The following FIP1L1 variants were observed in gnomAD, a reference collection of about 807,000 sequenced individuals.
FIP1L1 encodes factor interacting with PAPOLA and CPSF1, also known as pre-mRNA 3'-end-processing factor FIP1.
A neutral mutation model predicts 84.6 loss-of-function variants in FIP1L1; 21 were observed. That is an observed-to-expected ratio of 0.25 (90% CI 0.18 to 0.36). FIP1L1 has a LOEUF of 0.36. Among genes scored for constraint, FIP1L1 ranks in the 10% least tolerant of loss-of-function variants. The pLI, the probability that FIP1L1 is intolerant of heterozygous loss-of-function variation, is 1.00. For synonymous variants in FIP1L1, 263 were observed against 242.3 expected, an observed-to-expected ratio of 1.09 and a Z score of -0.80; for missense variants, 526 against 751.1, an observed-to-expected ratio of 0.70 and a Z score of 3.50.
intron 15 of FIP1L1, among the ~76,000 whole-genome samples, chr4:53,445,611 C>A (rs1270896079): frequency 1.3e-5 from 2 of 152,164 alleles, no homozygotes; most frequent in Admixed American, 6.5e-5. Context: ...TCATGAGCAA[C>A]CAGTTGTGGA....
chr4:53,390,442 T>C, intron 6 of FIP1L1, 79 bp from the exon 7 acceptor site: 3 of 819,738 alleles, frequency 3.7e-6, no homozygotes, highest in Non-Finnish European at 6.1e-6. Context: ...TAAAAAGGTG[T>C]TTATATTTTC....
At chr4:53,430,858 A>G (rs1469978009) in intron 13 of FIP1L1, among the ~76,000 whole-genome samples, 1 of 152,154 alleles carries the variant, frequency 6.6e-6, no homozygotes, top group Non-Finnish European at 1.5e-5. Context: ...TCAACATTTA[A>G]TGAGTGCAGA....
chr4:53,388,177 T>C (rs1302433069), intron 5 of FIP1L1, among the ~76,000 whole-genome samples: 1 of 152,166 alleles, frequency 6.6e-6, no homozygotes, highest in Admixed American at 6.5e-5. Context: ...GTCTTAAATG[T>C]AGTACATCAG....
chr4:53,383,271 A>G (rs527419922), intron 4 of FIP1L1, among the ~76,000 whole-genome samples: 2 of 152,284 alleles, frequency 1.3e-5, no homozygotes, highest in African/African-American at 4.8e-5. Context: ...TTCTTTATTC[A>G]TAGTCTTATC....
At chr4:53,395,745 C>CGTGT (rs1281774600) in intron 9 of FIP1L1, among the ~76,000 whole-genome samples, 1 of 151,234 alleles carries the variant, frequency 6.6e-6, no homozygotes, top group Admixed American at 6.6e-5. Flanking sequence ...TGTGTGTGTG[C>CGTGT]GTGTGTGTGT....
intron 9 of FIP1L1, among the ~76,000 whole-genome samples, chr4:53,395,086 T>C (rs1420841912): frequency 6.6e-6 from 1 of 152,232 alleles, no homozygotes; most frequent in African/African-American, 2.4e-5. Flanking sequence ...TAATGTCTTA[T>C]GGTCATTTCT....
intron 10 of FIP1L1, among the ~76,000 whole-genome samples, chr4:53,412,321 A>G (rs1443331916): frequency 6.6e-6 from 1 of 152,130 alleles, no homozygotes; most frequent in Non-Finnish European, 1.5e-5. Flanking sequence ...CTAATAGTGA[A>G]TCAGTACTTT....
At chr4:53,413,049 A>G (rs1210855006) in intron 10 of FIP1L1, among the ~76,000 whole-genome samples, 2 of 152,140 alleles carry the variant, frequency 1.3e-5, no homozygotes, top group Admixed American at 1.3e-4. Flanking sequence ...ATTTGTATAC[A>G]TGGTGTTTAA....
intron 15 of FIP1L1, among the ~76,000 whole-genome samples, chr4:53,448,153 C>G (rs1774995679): frequency 6.6e-6 from 1 of 152,042 alleles, no homozygotes; most frequent in Non-Finnish European, 1.5e-5. Flanking sequence ...TTTTGCTCTT[C>G]ACATTTAAGT....
intron 5 of FIP1L1, among the ~76,000 whole-genome samples, chr4:53,384,259 A>C (rs1000652899): frequency 6.6e-6 from 1 of 152,012 alleles, no homozygotes; most frequent in East Asian, 1.9e-4. Context: ...AAATACAATA[A>C]TTAGCCAGGC....
chr4:53,410,250 T>A (rs1756481783), intron 10 of FIP1L1, among the ~76,000 whole-genome samples: 3 of 152,172 alleles, frequency 2.0e-5, no homozygotes, highest in African/African-American at 7.2e-5. Flanking sequence ...TGATTTTCGG[T>A]CAGCTTATGA....
chr4:53,418,178 AC>A (rs1181534280), intron 11 of FIP1L1, among the ~76,000 whole-genome samples: 2 of 151,860 alleles, frequency 1.3e-5, no homozygotes, highest in African/African-American at 4.8e-5. Context: ...GGCCCCAGCT[AC>A]CTGGGAGGCT....
intron 9 of FIP1L1, among the ~76,000 whole-genome samples, chr4:53,397,243 T>C (rs1255870665): frequency 6.6e-6 from 1 of 152,220 alleles, no homozygotes; most frequent in Non-Finnish European, 1.5e-5. Flanking sequence ...GTATGGGAAC[T>C]TATAAGCAAT....
In FIP1L1 at chr4:53,460,180, T is replaced by TTGA. The variant is rs1721615874; in HGVS notation, c.*734_*736dup. 2 of 197,430 alleles carry TTGA rather than the reference T, an allele frequency of 1.0e-5. No homozygotes were observed. Among genetic ancestry groups the TTGA allele is most frequent in the East Asian group, 7.9e-5 (1 of 12,660 alleles). The allele number at this position is 197,430 out of a possible 1,614,324, so 12.2% of individuals were successfully genotyped here. A position where few individuals can be genotyped will look rare whatever the true frequency, so the allele number is the denominator to read the frequency against. On this transcript the variant is annotated 3_prime_UTR_variant, in exon 18 of 18. Coordinates refer to ENST00000337488, the MANE Select transcript of FIP1L1 (RefSeq NM_030917.4). ...CCAGGGTCAAGCTGGTTTGGCCTTCTTGATGCATTTTCCAAGGCCCACTGG... is the reference window on the plus strand; with the variant it reads ...CCAGGGTCAAGCTGGTTTGGCCTTCTTGATGATGCATTTTCCAAGGCCCACTGG...
At position 53,397,787 on chromosome 4, in the gene FIP1L1, A is replaced by C. The variant is rs771626568; in HGVS notation, c.706-1943A>C. The stretch of plus-strand genomic sequence containing the variant: ...TGTTCATATGTATTAGATAATTTCT[A>C]TGGTTCTTTTTTTCCTTGAGCAGCT... On this transcript the variant is annotated intron_variant, in intron 9 of 17. Transcript: ENST00000337488. Among the ~76,000 whole-genome samples, 3 of 152,312 alleles carry C rather than the reference A, an allele frequency of 2.0e-5. No homozygotes were observed. The South Asian group carries it at 6.2e-4, about 32-fold the overall frequency.
Position 53,377,761 on chromosome 4 carries a change from C to T in FIP1L1, c.-78C>T. Reference sequence around the variant, plus strand: ...CGTCGGCGGGTTCGCGCCCTTCTCGCGCCTCGGGGCTGCGAGGCTGGGGAA... The same window carrying T: ...CGTCGGCGGGTTCGCGCCCTTCTCGTGCCTCGGGGCTGCGAGGCTGGGGAA... On this transcript the variant is annotated 5_prime_UTR_variant, in exon 1 of 18. Coordinates refer to ENST00000337488, the MANE Select transcript of FIP1L1 (RefSeq NM_030917.4). 2 of 1,338,526 alleles carry T rather than the reference C, an allele frequency of 1.5e-6. No individual in the cohort carries two copies. Among genetic ancestry groups the T allele is most frequent in the Non-Finnish European group, 2.0e-6 (2 of 1,005,332 alleles). 82.9% of individuals were successfully genotyped at this position (1,338,526 alleles called of 1,614,324 possible). A position where few individuals can be genotyped will look rare whatever the true frequency, so the allele number is the denominator to read the frequency against.
At chr4:53,415,139 C>T (rs1414236497) in intron 11 of FIP1L1, among the ~76,000 whole-genome samples, 3 of 152,096 alleles carry the variant, frequency 2.0e-5, no homozygotes, top group Non-Finnish European at 4.4e-5. Context: ...CAATCTTATA[C>T]CCACTACAGT....
chr4:53,407,458 G>A (rs12642175), intron 10 of FIP1L1, among the ~76,000 whole-genome samples: 4 of 152,066 alleles, frequency 2.6e-5, no homozygotes, highest in Admixed American at 2.6e-4. Flanking sequence ...AATAGGTGTG[G>A]TGTGGTGCTG....
At chr4:53,388,227 G>A (rs1416794065) in intron 5 of FIP1L1, among the ~76,000 whole-genome samples, 4 of 152,170 alleles carry the variant, frequency 2.6e-5, no homozygotes, top group South Asian at 4.1e-4. Context: ...ACCCAAAGCA[G>A]TGAATCTGAA....
Sources: gnomAD v4.1 joint callset for allele counts (sites outside exome capture counted in the v4.1 genomes callset) on GRCh38, gnomAD v4.1.1 for gene constraint, MANE v1.5 for transcripts, NCBI Gene and HGNC (gene_info 2026-07-23, HGNC 2026-07-21) for gene names.